Variants in CD180 observed in about 807,000 individuals in gnomAD.
CD180 encodes the protein CD180 molecule.
CD180 carries 11 observed loss-of-function variants against 10.7 expected under a neutral mutation model. The ratio of observed to expected loss-of-function variants is 1.03; its 90% confidence interval spans 0.65 to 1.70. CD180 has a LOEUF of 1.70. CD180 is among the 40% of genes most tolerant of loss of function. The pLI, the probability that CD180 is intolerant of heterozygous loss-of-function variation, is 0.00. For synonymous variants in CD180, 286 were observed against 294.6 expected (o/e 0.97, Z 0.30); for missense variants, 729 against 775.2 (o/e 0.94, Z 0.71).
At chr5:67,196,439 T>A (rs1742405674) in intron 1 of CD180, 113 bp downstream of exon 1, 1 of 959,742 alleles carries the variant, frequency 1.0e-6, no homozygotes, top group African/African-American at 1.6e-5. Flanking sequence ...ACACCTTATT[T>A]CCTTTTTAAA....
At chr5:67,191,617 G>A (rs1742306527) in intron 1 of CD180, among the ~76,000 whole-genome samples, 1 of 152,180 alleles carries the variant, frequency 6.6e-6, no homozygotes, top group Non-Finnish European at 1.5e-5. Context: ...CTAAAATGAT[G>A]CCACAATCCA....
intron 1 of CD180, among the ~76,000 whole-genome samples, chr5:67,194,568 A>C (rs979049524): frequency 3.9e-5 from 6 of 152,094 alleles, no homozygotes; most frequent in African/African-American, 1.4e-4. Flanking sequence ...GAAAACTCCT[A>C]ATCTCCAAGA....
chr5:67,190,841 A>C, intron 1 of CD180: 3 of 633,534 alleles, frequency 4.7e-6, no homozygotes, highest in Non-Finnish European at 5.9e-6. Context: ...TGTATATCTA[A>C]CTCCCTCTCA....
chr5:67,193,250 CTA>C (rs1332462018), intron 1 of CD180, among the ~76,000 whole-genome samples: 1 of 152,144 alleles, frequency 6.6e-6, no homozygotes, highest in Non-Finnish European at 1.5e-5. Context: ...ATGTGGTTAA[CTA>C]TGCATGAGCT....
chr5:67,186,877 A>ATGTGTGTGTGTGTGTGTGT (rs1561235932), intron 1 of CD180, among the ~76,000 whole-genome samples: 10 of 112,772 alleles, frequency 8.9e-5, no homozygotes, highest in African/African-American at 3.9e-4. Flanking sequence ...TGTGTGTGAA[A>ATGTGTGTGTGTGTGTGTGT]GAGAGAGAGA....
At chr5:67,186,964 C>T (rs1489094398) in intron 1 of CD180, among the ~76,000 whole-genome samples, 1 of 151,552 alleles carries the variant, frequency 6.6e-6, no homozygotes, top group Non-Finnish European at 1.5e-5. Context: ...GAGACATAAC[C>T]ATCAAATAAT....
At position 67,184,341 on chromosome 5, in the gene CD180, T is replaced by TGGGG; in HGVS notation, c.498_501dup (p.Lys168ProfsTer17). 1 of 1,614,192 alleles carries TGGGG rather than the reference T, an allele frequency of 6.2e-7. No individual in the cohort carries two copies. The highest frequency in any genetic ancestry group is 1.1e-5 in the South Asian group (1 of 91,076). Reference sequence around the variant, plus strand: ...TTCAGATTCCGTGCTGGGAAGTCTTTGGGGAACTTAATGGAGGAAATATGG... The same window carrying TGGGG: ...TTCAGATTCCGTGCTGGGAAGTCTTTGGGGGGGGAACTTAATGGAGGAAATATGG... On this transcript the variant is annotated frameshift_variant, in exon 3 of 3. Coordinates refer to ENST00000256447, the MANE Select transcript of CD180 (RefSeq NM_005582.3). LOFTEE classifies it low-confidence loss of function (END_TRUNC).
Position 67,183,952 on chromosome 5 carries a change from G to A in CD180, c.891C>T (p.Phe297=). 6.2e-7 allele frequency: 1 copy of A among 1,614,200 alleles called. No homozygotes were observed. The highest frequency in any genetic ancestry group is 8.5e-7 in the Non-Finnish European group (1 of 1,180,030). ...TCAGATCCAATTCTTGGAGTTGGGT[G>A]AAGCACTGAAATGTGGTGGATGAGA... ...SDISSTTFQC[F]TQLQELDLTA... Residue 297 remains phenylalanine, a synonymous_variant, in exon 3 of 3, where the codon TTC becomes TTT. Coordinates refer to ENST00000256447, the MANE Select transcript of CD180 (RefSeq NM_005582.3).
At chr5:67,194,454 G>A (rs1742364066) in intron 1 of CD180, among the ~76,000 whole-genome samples, 1 of 151,962 alleles carries the variant, frequency 6.6e-6, no homozygotes, top group African/African-American at 2.4e-5. Flanking sequence ...GCCTCACCCA[G>A]AGGTGGACTC....
rs1275816858 is a variant in CD180 at position 67,181,548 on chromosome 5, T to C, written c.*1309A>G. ...AACTTAAGGACTAATATATTCTGAT[T>C]GGTTGGATCCATTTTTATTTTGTTA... On this transcript the variant is annotated 3_prime_UTR_variant, in exon 3 of 3. Transcript: ENST00000256447. 1.3e-5 allele frequency: 2 copies of C among 152,206 alleles called. No homozygotes were observed. Among genetic ancestry groups the C allele is most frequent in the Non-Finnish European group, 2.9e-5 (2 of 68,036 alleles). 9.4% of individuals were successfully genotyped at this position (152,206 alleles called of 1,614,324 possible).
In CD180 at chr5:67,184,833, C is replaced by T. The variant is rs75571103; in HGVS notation, c.258-248G>A. Among the ~76,000 whole-genome samples, 1,423 of 151,974 alleles carry T rather than the reference C, an allele frequency of 9.4e-3. 25 individuals carry two copies. The highest frequency in any genetic ancestry group is 0.032 in the African/African-American group (1,333 of 41,410). The stretch of plus-strand genomic sequence containing the variant: ...ACCCTCAGAGGTTTGTGCCTGTATT[C>T]TAAGGAACCATGGGTCATTTGATTG... On this transcript the variant is annotated intron_variant, in intron 2 of 2. Transcript: ENST00000256447.
At chr5:67,192,234 C>CA (rs1339890111) in intron 1 of CD180, among the ~76,000 whole-genome samples, 1 of 151,824 alleles carries the variant, frequency 6.6e-6, no homozygotes, top group African/African-American at 2.4e-5. Flanking sequence ...ACTAAAAATA[C>CA]AAAAAAATTG....
At position 67,184,096 on chromosome 5, in the gene CD180, A is replaced by G. The variant is rs765177679; in HGVS notation, c.747T>C (p.Ser249=). The change falls in exon 3 of 3, where the codon TCT becomes TCC. Residue 249 remains serine, a synonymous_variant. Coordinates refer to ENST00000256447, the MANE Select transcript of CD180 (RefSeq NM_005582.3). ...TGTCCTCAAATGTTCCCAGCCAGAG[A>G]GACTGAGTAGTAGAGTTCTGCAGAC... is the stretch of plus-strand genomic sequence containing the variant. ...FNGLQNSTTQ[S]LWLGTFEDID... is the part of the protein sequence containing the mutation. 6.2e-6 allele frequency: 10 copies of G among 1,614,182 alleles called. No individual in the cohort carries two copies. Among genetic ancestry groups the G allele is most frequent in the East Asian group, 2.2e-5 (1 of 44,882 alleles).
Position 67,183,736 on chromosome 5 carries a change from T to C in CD180, c.1107A>G (p.Leu369=), listed in dbSNP as rs146106024. 107 of 1,614,182 alleles carry C rather than the reference T, an allele frequency of 6.6e-5. No individual in the cohort carries two copies. In the East Asian group the frequency reaches 2.3e-3, roughly 35 times the overall value. The stretch of plus-strand genomic sequence containing the variant: ...TTAAATCAAGTGTCTGAAGGTTTCC[T>C]AGTTTCTCCAAGCAGCCAACACCAA... ...LHLGVGCLEK[L]GNLQTLDLSH... is the part of the protein sequence containing the mutation. Residue 369 remains leucine (L), a synonymous_variant, in exon 3 of 3, where the codon CTA becomes CTG. Coordinates refer to ENST00000256447, the MANE Select transcript of CD180 (RefSeq NM_005582.3).
chr5:67,185,309 A>ACG, intron 2 of CD180, among the ~76,000 whole-genome samples: 1 of 151,118 alleles, frequency 6.6e-6, no homozygotes, highest in African/African-American at 2.4e-5. Context: ...ACACACACAC[A>ACG]CACACACACA....
rs758362019 is a variant in CD180, at chr5:67,183,873, T to C, written c.970A>G (p.Lys324Glu). 77 of 1,614,096 alleles carry C rather than the reference T, an allele frequency of 4.8e-5. No individual in the cohort carries two copies. Among genetic ancestry groups the C allele is most frequent in the Non-Finnish European group, 6.5e-5 (77 of 1,180,056 alleles). The stretch of plus-strand genomic sequence containing the variant: ...TGATTTACACTGAGAACTAATTTCT[T>C]GAGCAAGTTCAGACCCTTCATCCCA... ...PSGMKGLNLL[K>E]KLVLSVNHFD... Residue 324 changes from lysine (K) to glutamate (E), a missense_variant, in exon 3 of 3, where the codon AAG becomes GAG. Physicochemically the swap from Lys to Glu is moderately conservative, Grantham distance 56. Coordinates refer to ENST00000256447, the MANE Select transcript of CD180 (RefSeq NM_005582.3).
intron 1 of CD180, among the ~76,000 whole-genome samples, chr5:67,192,543 T>C (rs978120985): frequency 7.2e-5 from 11 of 152,050 alleles, no homozygotes; most frequent in Non-Finnish European, 1.3e-4. Flanking sequence ...CTTACAATCA[T>C]GGCAGAAGGC....
At chr5:67,188,168 C>CAAAAAA (rs199809685) in intron 1 of CD180, among the ~76,000 whole-genome samples, 1 of 146,276 alleles carries the variant, frequency 6.8e-6, no homozygotes, top group African/African-American at 2.6e-5. Flanking sequence ...GACTCTGCCT[C>CAAAAAA]AAAAAGAAAA....
chr5:67,187,352 G>A (rs1742217481), intron 1 of CD180, among the ~76,000 whole-genome samples: 1 of 152,004 alleles, frequency 6.6e-6, no homozygotes, highest in Admixed American at 6.5e-5. Context: ...CTAGCAGGGT[G>A]GCATAGACCT....
Sources: allele counts gnomAD v4.1 joint callset (sites outside exome capture counted in the v4.1 genomes callset), GRCh38; gene constraint gnomAD v4.1.1; transcripts MANE v1.5; gene names NCBI Gene and HGNC (gene_info 2026-07-23, HGNC 2026-07-21).